Variants in TBC1D4 observed in about 807,000 individuals in gnomAD.
TBC1D4 encodes TBC1 domain family member 4, also known as TBC (Tre-2, BUB2, CDC16) domain-containing protein.
A neutral mutation model predicts 142.5 loss-of-function variants in TBC1D4; 121 were observed. The ratio of observed to expected loss-of-function variants is 0.85; its 90% confidence interval spans 0.73 to 0.99. TBC1D4 has a LOEUF of 0.99. TBC1D4 is among the 50% of genes least tolerant of loss of function. The pLI, the probability that TBC1D4 is intolerant of heterozygous loss-of-function variation, is 0.00. For missense variants in TBC1D4, 1,475 were observed against 1,606.6 expected (o/e 0.92, Z 1.40); for synonymous variants, 630 against 628.2 (o/e 1.00, Z -0.04).
chr13:75,415,868 T>C (rs1351895442), intron 1 of TBC1D4, among the ~76,000 whole-genome samples: 1 of 152,180 alleles, frequency 6.6e-6, no homozygotes, highest in Non-Finnish European at 1.5e-5. Context: ...AAGTACTCCA[T>C]CACAGACTGA....
In TBC1D4 at chr13:75,337,014, T is replaced by G; in HGVS notation, c.1638A>C (p.Glu546Asp). The part of the protein sequence containing the change: ...PSTISNSTIP[E>D]NATSSGRFKL... Reference sequence around the variant, plus strand: ...TGAACCTTCCACTGCTTGTTGCATTTTCTGGGATTGTACTATTTGAAATAG... The same window carrying G: ...TGAACCTTCCACTGCTTGTTGCATTGTCTGGGATTGTACTATTTGAAATAG... Residue 546 changes from glutamate to aspartate, a missense_variant, in exon 8 of 21, where the codon GAA becomes GAC. Coordinates refer to ENST00000377636, the MANE Select transcript of TBC1D4 (RefSeq NM_014832.5). 1 of 1,613,438 alleles carries G rather than the reference T, an allele frequency of 6.2e-7. No homozygotes were observed.
At chr13:75,391,997 T>C (rs1884515385) in intron 1 of TBC1D4, among the ~76,000 whole-genome samples, 1 of 152,230 alleles carries the variant, frequency 6.6e-6, no homozygotes, top group Non-Finnish European at 1.5e-5. Flanking sequence ...TCATTTCTTT[T>C]TCTCAGTCCT....
chr13:75,365,160 T>C (rs1218079195), intron 1 of TBC1D4, among the ~76,000 whole-genome samples: 1 of 152,184 alleles, frequency 6.6e-6, no homozygotes, highest in Non-Finnish European at 1.5e-5. Context: ...AAGTTTATCA[T>C]CTTGAATTCT....
At chr13:75,364,332 A>G (rs1882772151) in intron 1 of TBC1D4, among the ~76,000 whole-genome samples, 1 of 152,242 alleles carries the variant, frequency 6.6e-6, no homozygotes, top group Admixed American at 6.5e-5. Context: ...AGATGACCAC[A>G]GGTGACTGAA....
At chr13:75,443,027 T>G (rs905036819) in intron 1 of TBC1D4, among the ~76,000 whole-genome samples, 2 of 152,324 alleles carry the variant, frequency 1.3e-5, no homozygotes, top group Non-Finnish European at 2.9e-5. Flanking sequence ...TTGTAGCTCC[T>G]CTGGGCTTCA....
intron 1 of TBC1D4, among the ~76,000 whole-genome samples, chr13:75,438,634 A>T (rs1886902151): frequency 6.6e-6 from 1 of 152,220 alleles, no homozygotes; most frequent in Admixed American, 6.5e-5. Context: ...ACAGTAAAAC[A>T]TTATGGAAAA....
chr13:75,359,993 T>C, intron 2 of TBC1D4, 135 bp from the exon 3 acceptor site: 1 of 735,382 alleles, frequency 1.4e-6, no homozygotes, highest in Non-Finnish European at 2.3e-6. Context: ...TGCTTAAACA[T>C]CTAATCCAAC....
intron 10 of TBC1D4, 67 bp from the exon 11 acceptor site, chr13:75,324,468 A>G: frequency 3.8e-6 from 6 of 1,564,518 alleles, no homozygotes; most frequent in Non-Finnish European, 4.4e-6. Context: ...TTCACTATGA[A>G]AAAGCATATA....
At chr13:75,300,969 CT>C (rs1171520191) in intron 16 of TBC1D4, among the ~76,000 whole-genome samples, 1 of 152,156 alleles carries the variant, frequency 6.6e-6, no homozygotes, top group Non-Finnish European at 1.5e-5. Flanking sequence ...GTAAAATCCC[CT>C]TTTTAATTCC....
intron 1 of TBC1D4, among the ~76,000 whole-genome samples, chr13:75,403,004 A>G (rs1885173842): frequency 6.6e-6 from 1 of 152,198 alleles, no homozygotes; most frequent in South Asian, 2.1e-4. Context: ...CCAGTTTCAC[A>G]GTATCTCTGG....
chr13:75,411,076 GA>G (rs1885638899), intron 1 of TBC1D4, among the ~76,000 whole-genome samples: 1 of 150,210 alleles, frequency 6.7e-6, no homozygotes, highest in South Asian at 2.1e-4. Context: ...TAAAAAAGCC[GA>G]AAGAACCCAA....
intron 12 of TBC1D4, among the ~76,000 whole-genome samples, chr13:75,318,549 A>G (rs912968112): frequency 6.6e-6 from 1 of 152,360 alleles, no homozygotes; most frequent in Non-Finnish European, 1.5e-5. Flanking sequence ...TTTCATAGAA[A>G]TGAAACCATA....
In TBC1D4 at chr13:75,283,908, CT is replaced by C. The variant is rs76460510; in HGVS notation, c.*2883del. Among the ~76,000 whole-genome samples the C allele has an allele frequency of 4.3e-3, 653 of 151,144 alleles. 4 individuals are homozygous for C. The highest frequency in any genetic ancestry group is 0.015 in the African/African-American group (613 of 41,270). On this transcript the variant is annotated 3_prime_UTR_variant, in exon 21 of 21. Coordinates refer to ENST00000377636, the MANE Select transcript of TBC1D4 (RefSeq NM_014832.5). ...CTTTTTTGTTTGGTTGTTTGTTTTT[CT>C]TTTTTTTTGTCAAAGTCTCACTCTG...
At chr13:75,409,041 G>GCACA (rs138532626) in intron 1 of TBC1D4, among the ~76,000 whole-genome samples, 129,442 of 150,656 alleles carry the variant, frequency 0.86, 56,607 homozygotes, top group East Asian at 0.99. Context: ...ATACACACAC[G>GCACA]CACACACACA....
intron 13 of TBC1D4, 63 bp downstream of exon 13, chr13:75,312,675 G>A: frequency 1.3e-6 from 2 of 1,594,946 alleles, no homozygotes; most frequent in Non-Finnish European, 1.7e-6. Context: ...CACAGCACGT[G>A]CATTCCATTA....
At position 75,336,992 on chromosome 13, in the gene TBC1D4, A is replaced by G. The variant is rs749453764; in HGVS notation, c.1660T>C (p.Phe554Leu). The change falls in exon 8 of 21, where the codon TTC becomes CTC. Residue 554 changes from phenylalanine (F) to leucine (L), a missense_variant. Phe to Leu is a conservative substitution (Grantham distance 22). This residue lies in a region of TBC1D4 where 1,227 missense variants were observed against 1,267.7 expected (regional missense o/e 0.97). Coordinates refer to ENST00000377636, the MANE Select transcript of TBC1D4 (RefSeq NM_014832.5). ...TTATTTTTCAGAATGTCAAGTTTGA[A>G]CCTTCCACTGCTTGTTGCATTTTCT... Reference protein sequence around the residue: ...IPENATSSGRFKLDILKNKAK... With the variant: ...IPENATSSGRLKLDILKNKAK... 1.2e-6 allele frequency: 2 copies of G among 1,613,492 alleles called. No individual in the cohort carries two copies. Among genetic ancestry groups the G allele is most frequent in the Admixed American group, 1.7e-5 (1 of 60,008 alleles).
At chr13:75,472,247 C>T (rs376462224) in intron 1 of TBC1D4, among the ~76,000 whole-genome samples, 10 of 151,840 alleles carry the variant, frequency 6.6e-5, no homozygotes, top group Admixed American at 2.0e-4. Flanking sequence ...GGTGAAACTC[C>T]GTATCTACTA....
At chr13:75,335,621 A>G (rs1004614800) in intron 8 of TBC1D4, among the ~76,000 whole-genome samples, 1 of 152,150 alleles carries the variant, frequency 6.6e-6, no homozygotes, top group African/African-American at 2.4e-5. Flanking sequence ...GGAATGGTTT[A>G]GCACCATCCA....
At chr13:75,350,193 G>A (rs1248359287) in intron 4 of TBC1D4, among the ~76,000 whole-genome samples, 2 of 152,148 alleles carry the variant, frequency 1.3e-5, no homozygotes, top group African/African-American at 4.8e-5. Context: ...GAGACATTGA[G>A]CACTAAGGGC....
Sources: gnomAD v4.1 joint callset for allele counts (sites outside exome capture counted in the v4.1 genomes callset) on GRCh38, gnomAD v4.1.1 for gene constraint, gnomAD v4.1.1 regional missense constraint, MANE v1.5 for transcripts, NCBI Gene and HGNC (gene_info 2026-07-23, HGNC 2026-07-21) for gene names.